Variants in ACAD10 observed in about 807,000 individuals in gnomAD.
The protein encoded by ACAD10 is ACAD-10.
ACAD10 carries 112 observed loss-of-function variants against 116.8 expected under a neutral mutation model. That is an observed-to-expected ratio of 0.96 (90% CI 0.82 to 1.12). The LOEUF (loss-of-function observed/expected upper bound fraction) is 1.12, where lower values mean the gene tolerates loss of function less well. Ranked by LOEUF, ACAD10 falls within the 50% of genes most tolerant of loss-of-function variation. ACAD10 has a pLI of 0.00. For synonymous variants in ACAD10, 486 were observed against 510.6 expected (o/e 0.95, Z 0.65); for missense variants, 1,259 against 1,350.2 (o/e 0.93, Z 1.06).
In ACAD10 at chr12:111,755,704, G is replaced by T. The variant is rs757552774; in HGVS notation, c.2998G>T (p.Ala1000Ser). ...ALDIAMIKMV[A>S]PSMASRVIDR... ...GGATATAGCCATGATTAAAATGGTC[G>T]CCCCGTCCATGGCCTCCCGAGTGAT... Residue 1000 changes from alanine (A) to serine (S), a missense_variant, in exon 20 of 21, where the codon GCC (alanine) becomes TCC (serine). Ala to Ser is a moderately conservative substitution (Grantham distance 99, BLOSUM62 1). Coordinates refer to ENST00000313698, the MANE Select transcript of ACAD10 (RefSeq NM_025247.6). 10 of 1,613,536 alleles carry T rather than the reference G, an allele frequency of 6.2e-6. No homozygotes were observed. In the African/African-American group the frequency reaches 1.2e-4, roughly 19 times the overall value.
chr12:111,708,820 C>G (rs1888585978), intron 4 of ACAD10, among the ~76,000 whole-genome samples: 1 of 152,010 alleles, frequency 6.6e-6, no homozygotes, highest in Admixed American at 6.6e-5. Flanking sequence ...ACTGAGAAGG[C>G]TTTCCCGTGT....
intron 1 of ACAD10, among the ~76,000 whole-genome samples, chr12:111,689,790 AC>A (rs1258608521): frequency 6.7e-6 from 1 of 149,242 alleles, no homozygotes; most frequent in Non-Finnish European, 1.5e-5. Flanking sequence ...ATCTCGGCTC[AC>A]TGCAAGCTCC....
chr12:111,748,325 G>C lies in ACAD10; in HGVS notation c.2494G>C (p.Asp832His), dbSNP rs750003016. The C allele has an allele frequency of 1.9e-6, 3 of 1,614,112 alleles. No individual in the cohort carries two copies. The highest frequency in any genetic ancestry group is 2.5e-6 in the Non-Finnish European group (3 of 1,180,026). ...GHKWWITGIL[D>H]PRCQLCVFMG... ...CTCTCCTTTCCTGGCAGGCATCCTGGATCCTCGTTGCCAACTCTGTGTGTT... is the reference window on the plus strand; with the variant it reads ...CTCTCCTTTCCTGGCAGGCATCCTGCATCCTCGTTGCCAACTCTGTGTGTT... Residue 832 changes from aspartate to histidine, a missense_variant, in exon 17 of 21, where the codon GAT becomes CAT. Transcript: ENST00000313698.
chr12:111,731,172 C>T (rs967076357), intron 10 of ACAD10, among the ~76,000 whole-genome samples: 11 of 152,226 alleles, frequency 7.2e-5, no homozygotes, highest in Admixed American at 3.9e-4. Flanking sequence ...CGGCTTCTTC[C>T]GTTAGCCAGC....
chr12:111,728,873 A>C (rs1054220586), intron 9 of ACAD10, among the ~76,000 whole-genome samples: 1 of 152,110 alleles, frequency 6.6e-6, no homozygotes, highest in African/African-American at 2.4e-5. Context: ...TATTTTTAGC[A>C]GAGACAGGTT....
rs542030780 is a variant in ACAD10, at chr12:111,743,583, G to A, written c.1715-1060G>A. The stretch of plus-strand genomic sequence containing the variant: ...ACTCCTGACCTCCGGTGATCCACCC[G>A]CCTCAGCCTCCAAAGTGCTGAGATT... On this transcript the variant is annotated intron_variant, in intron 12 of 20. Coordinates refer to ENST00000313698, the MANE Select transcript of ACAD10 (RefSeq NM_025247.6). 7.3e-5 allele frequency among the ~76,000 whole-genome samples: 11 copies of A among 151,696 alleles called. No individual in the cohort carries two copies. The East Asian group carries it at 9.7e-4, about 13-fold the overall frequency.
At chr12:111,716,206 C>T (rs893544148) in intron 7 of ACAD10, among the ~76,000 whole-genome samples, 15 of 152,068 alleles carry the variant, frequency 9.9e-5, no homozygotes, top group African/African-American at 2.7e-4. Flanking sequence ...TTCTACCCCC[C>T]ATCCCCCCCC....
intron 13 of ACAD10, 97 bp from the exon 14 acceptor site, chr12:111,746,047 C>G (rs1442284015): frequency 1.3e-6 from 2 of 1,488,994 alleles, no homozygotes; most frequent in African/African-American, 2.8e-5. Flanking sequence ...GTTTGGTTGT[C>G]TGCCTTGTTT....
Position 111,689,953 on chromosome 12 carries a change from G to T in ACAD10, c.-13-2744G>T, listed in dbSNP as rs551435257. ...GATGGTCTCAATCTCCTGACTTTGT[G>T]ATCCGCCCGCCTCGGCCTCCCAGAG... On this transcript the variant is annotated intron_variant, in intron 1 of 20. Transcript: ENST00000313698. Among the ~76,000 whole-genome samples the T allele has an allele frequency of 2.0e-5, 3 of 152,270 alleles. No homozygotes were observed. In the South Asian group the frequency reaches 6.2e-4, roughly 32 times the overall value.
At position 111,746,271 on chromosome 12, in the gene ACAD10, T is replaced by C. The variant is rs1190858135; in HGVS notation, c.2243T>C (p.Leu748Pro). ...CTGTGTGAGCTCATGGGCACGTCCC[T>C]GTATGCCCCCGAGGTACCTTCTTTA... Reference protein sequence around the residue: ...AHLCELMGTSLYAPEVCNCSA... With the variant: ...AHLCELMGTSPYAPEVCNCSA... Residue 748 changes from leucine (L) to proline (P), a missense_variant, in exon 14 of 21, where the codon CTG becomes CCG. Coordinates refer to ENST00000313698, the MANE Select transcript of ACAD10 (RefSeq NM_025247.6). 6.2e-7 allele frequency: 1 copy of C among 1,612,492 alleles called. No individual in the cohort carries two copies. Among genetic ancestry groups the C allele is most frequent in the East Asian group, 2.2e-5 (1 of 44,836 alleles).
At chr12:111,716,420 T>C (rs1191017730) in intron 7 of ACAD10, among the ~76,000 whole-genome samples, 2 of 152,168 alleles carry the variant, frequency 1.3e-5, no homozygotes, top group African/African-American at 4.8e-5. Flanking sequence ...GAAAACAATA[T>C]GATACAATTT....
intron 10 of ACAD10, among the ~76,000 whole-genome samples, chr12:111,731,311 G>A (rs1726127946): frequency 6.6e-6 from 1 of 152,154 alleles, no homozygotes; most frequent in African/African-American, 2.4e-5. Flanking sequence ...CCCCCACACT[G>A]CCTTGAACGT....
At chr12:111,733,791 G>T (rs536906390) in intron 10 of ACAD10, 132 bp from the exon 11 acceptor site, 4 of 1,086,644 alleles carry the variant, frequency 3.7e-6, no homozygotes, top group South Asian at 2.9e-5. Context: ...ACAGCCCAGG[G>T]AGCTCAGGCA....
At chr12:111,751,589 G>C (rs1890072592) in intron 18 of ACAD10, among the ~76,000 whole-genome samples, 1 of 151,976 alleles carries the variant, frequency 6.6e-6, no homozygotes, top group African/African-American at 2.4e-5. Context: ...AAGTTAGCTG[G>C]GCATGGTGGC....
At chr12:111,716,493 TAAAG>T (rs1888850283) in intron 7 of ACAD10, among the ~76,000 whole-genome samples, 1 of 152,196 alleles carries the variant, frequency 6.6e-6, no homozygotes, top group South Asian at 2.1e-4. Flanking sequence ...GGCTCTGTCT[TAAAG>T]AAATAATTCT....
chr12:111,727,912 C>G (rs1889266001), intron 8 of ACAD10, 50 bp from the exon 9 acceptor site: 6 of 1,540,036 alleles, frequency 3.9e-6, no homozygotes, highest in Non-Finnish European at 5.3e-6. Flanking sequence ...GACTAACAGC[C>G]TGCCACATTA....
chr12:111,740,075 A>G (rs898853860), intron 12 of ACAD10, among the ~76,000 whole-genome samples: 3 of 152,160 alleles, frequency 2.0e-5, no homozygotes, highest in South Asian at 2.1e-4. Context: ...AGGGAATGAA[A>G]CCAGACTGGG....
At position 111,756,704 on chromosome 12, in the gene ACAD10, G is replaced by T; in HGVS notation, c.*231G>T. 1.4e-6 allele frequency: 1 copy of T among 740,140 alleles called. No homozygotes were observed. The highest frequency in any genetic ancestry group is 2.3e-6 in the Non-Finnish European group (1 of 429,704). The allele number at this position is 740,140 out of a possible 1,614,324, so 45.8% of individuals were successfully genotyped here. ...GGAGGGGATTTGCTGAGGGCCAAGG[G>T]GGTTCTGGGACAGAGTCTGGAAAGC... On this transcript the variant is annotated 3_prime_UTR_variant, in exon 21 of 21. Transcript: ENST00000313698.
At chr12:111,723,655 A>G (rs1439266100) in intron 8 of ACAD10, among the ~76,000 whole-genome samples, 1 of 79,188 alleles carries the variant, frequency 1.3e-5, no homozygotes, top group Non-Finnish European at 2.5e-5. Context: ...TGACCCCCCG[A>G]CCTCCCTCCC....
Sources: gnomAD v4.1 joint callset for allele counts (sites outside exome capture counted in the v4.1 genomes callset) on GRCh38, gnomAD v4.1.1 for gene constraint, MANE v1.5 for transcripts, NCBI Gene and HGNC (gene_info 2026-07-23, HGNC 2026-07-21) for gene names.